Variants in PCDH15 observed in about 807,000 individuals in gnomAD.
PCDH15 encodes protocadherin related 15, also known as protocadherin-15.
PCDH15 carries 129 observed loss-of-function variants against 178.5 expected under a neutral mutation model. The observed-to-expected ratio is 0.72, with a 90% CI of 0.63 to 0.84. PCDH15 has a LOEUF of 0.84. Among genes scored for constraint, PCDH15 ranks in the 40% least tolerant of loss-of-function variants. The pLI, the probability that PCDH15 is intolerant of heterozygous loss-of-function variation, is 0.00. For synonymous variants in PCDH15, 800 were observed against 732.0 expected (o/e 1.09, Z -1.50); for missense variants, 2,230 against 2,099.9 (o/e 1.06, Z -1.21).
chr10:55,138,195 C>T (rs1178273785), intron 2 of PCDH15, among the ~76,000 whole-genome samples: 1 of 152,068 alleles, frequency 6.6e-6, no homozygotes, highest in African/African-American at 2.4e-5. Context: ...TTAAACAACA[C>T]ATTTTTAGTA....
chr10:54,324,846 TTC>T (rs953167268), intron 7 of PCDH15, among the ~76,000 whole-genome samples: 8 of 152,210 alleles, frequency 5.3e-5, no homozygotes, highest in African/African-American at 1.4e-4. Context: ...TACAAAAGTG[TTC>T]TTATATATTT....
chr10:55,159,789 T>C (rs1839012800), intron 2 of PCDH15, among the ~76,000 whole-genome samples: 1 of 148,198 alleles, frequency 6.7e-6, no homozygotes, highest in African/African-American at 2.4e-5. Context: ...TTAAGAGATA[T>C]ATATAAAGAT....
At chr10:54,333,994 C>T (rs746898227) in intron 6 of PCDH15, among the ~76,000 whole-genome samples, 1 of 152,150 alleles carries the variant, frequency 6.6e-6, no homozygotes, top group Non-Finnish European at 1.5e-5. Flanking sequence ...CAGGACATTG[C>T]CCCCTTTCTG....
chr10:55,448,953 T>C (rs9651347), intron 2 of PCDH15, among the ~76,000 whole-genome samples: 147 of 152,220 alleles, frequency 9.7e-4, no homozygotes, highest in African/African-American at 3.3e-3. Context: ...TCAGGTTTGA[T>C]TCTATCATCT....
rs1397320282 is a variant in PCDH15, at chr10:53,827,442, G to GCGGCGGCGGCGGGGGCGC, written c.4300_4317dup (p.Ala1434_Pro1439dup). On this transcript the variant is annotated inframe_insertion, in exon 32 of 38. Coordinates refer to ENST00000644397, the MANE Select transcript of PCDH15 (RefSeq NM_001384140.1). ...TAGAGATGCGCACCTGGCGGAGGCG[G>GCGGCGGCGGCGGGGGCGC]CGGCGGCGGCGGGGGCGCTGCCACT... is the stretch of plus-strand genomic sequence containing the variant. 6.2e-6 allele frequency: 10 copies of GCGGCGGCGGCGGGGGCGC among 1,613,120 alleles called. No individual in the cohort carries two copies. The highest frequency in any genetic ancestry group is 1.1e-5 in the South Asian group (1 of 90,996).
chr10:54,974,055 TCTCACA>T lies in PCDH15; in HGVS notation c.-79-76561_-79-76556del, dbSNP rs761272750. On this transcript the variant is annotated intron_variant, in intron 2 of 5. Coordinates refer to the PCDH15 transcript ENST00000458638. ...CTCTCCTTCCTTCTCTCTCTCTCTCTCTCACACACACACACACACACACACACAGAC... is the reference window on the plus strand; with the variant it reads ...CTCTCCTTCCTTCTCTCTCTCTCTCTCACACACACACACACACACACAGAC... 1.4e-3 allele frequency among the ~76,000 whole-genome samples: 206 copies of T among 147,802 alleles called. 1 individual carries two copies. The highest frequency in any genetic ancestry group is 0.01 in the East Asian group (50 of 4,916).
chr10:53,889,198 A>G (rs866581338), intron 26 of PCDH15, among the ~76,000 whole-genome samples: 4 of 152,074 alleles, frequency 2.6e-5, no homozygotes, highest in Middle Eastern at 3.2e-3. Context: ...GTTGCTCAAC[A>G]TGAAAAAATA....
At chr10:55,222,706 T>C (rs1043655105) in intron 1 of PCDH15, among the ~76,000 whole-genome samples, 1 of 53,544 alleles carries the variant, frequency 1.9e-5, no homozygotes, top group Non-Finnish European at 3.4e-5. Context: ...ATTTTATATC[T>C]TTATACACAC....
intron 28 of PCDH15, among the ~76,000 whole-genome samples, chr10:53,849,880 AAAAG>A (rs1456696942): frequency 8.7e-5 from 13 of 150,122 alleles, no homozygotes; most frequent in African/African-American, 2.0e-4. Flanking sequence ...AAAAAAAAAA[AAAAG>A]AAAGAAAGAA....
intron 3 of PCDH15, among the ~76,000 whole-genome samples, chr10:54,505,417 C>T (rs2137563778): frequency 6.6e-6 from 1 of 152,232 alleles, no homozygotes; most frequent in African/African-American, 2.4e-5. Flanking sequence ...TACATATTAT[C>T]TGTACAGATT....
At chr10:54,079,569 G>A (rs2094403561) in intron 16 of PCDH15, 145 bp from the exon 17 acceptor site, 6 of 781,494 alleles carry the variant, frequency 7.7e-6, no homozygotes, top group Non-Finnish European at 1.3e-5. Context: ...ATAATACTAA[G>A]ATTCATTCTG....
intron 8 of PCDH15, among the ~76,000 whole-genome samples, chr10:54,305,493 T>C (rs925997847): frequency 2.0e-5 from 3 of 152,054 alleles, no homozygotes; most frequent in Non-Finnish European, 2.9e-5. Flanking sequence ...TTTTAATTTA[T>C]TCCATATAAG....
chr10:54,513,222 T>C (rs574115209), intron 3 of PCDH15, among the ~76,000 whole-genome samples: 38 of 150,994 alleles, frequency 2.5e-4, no homozygotes, highest in Non-Finnish European at 4.3e-4. Context: ...TGGCCAAATA[T>C]TCCATTTCAT....
At chr10:54,447,045 C>T (rs1287423900) in intron 3 of PCDH15, among the ~76,000 whole-genome samples, 1 of 151,566 alleles carries the variant, frequency 6.6e-6, no homozygotes, top group East Asian at 1.9e-4. Context: ...AAACAAACCT[C>T]TCTGCTTTCT....
intron 2 of PCDH15, among the ~76,000 whole-genome samples, chr10:55,157,565 A>T (rs1328852799): frequency 2.0e-5 from 3 of 149,678 alleles, no homozygotes; most frequent in African/African-American, 4.9e-5. Flanking sequence ...CAAATGTCCA[A>T]CAATGATAGA....
intron 15 of PCDH15, among the ~76,000 whole-genome samples, chr10:54,100,434 A>T (rs901564008): frequency 1.6e-4 from 25 of 152,268 alleles, no homozygotes; most frequent in African/African-American, 6.0e-4. Context: ...GAGTGAAAAG[A>T]AATAGGAATG....
chr10:54,624,081 T>G (rs904689789), intron 2 of PCDH15, among the ~76,000 whole-genome samples: 1 of 152,178 alleles, frequency 6.6e-6, no homozygotes, highest in Non-Finnish European at 1.5e-5. Flanking sequence ...TATAAAGTCA[T>G]AAGGTGATAA....
chr10:53,952,834 T>C (rs2087204392), intron 23 of PCDH15, among the ~76,000 whole-genome samples: 1 of 152,254 alleles, frequency 6.6e-6, no homozygotes, highest in Admixed American at 6.5e-5. Context: ...GGGGCTGGTA[T>C]GTCAGCACCA....
At chr10:54,648,651 G>T (rs1391972816) in intron 2 of PCDH15, among the ~76,000 whole-genome samples, 1 of 152,080 alleles carries the variant, frequency 6.6e-6, no homozygotes, top group East Asian at 1.9e-4. Flanking sequence ...ACAGAGAAGA[G>T]TATTTCTAAG....
Sources: gnomAD v4.1 joint callset for allele counts (sites outside exome capture counted in the v4.1 genomes callset) on GRCh38, gnomAD v4.1.1 for gene constraint, MANE v1.5 for transcripts, NCBI Gene and HGNC (gene_info 2026-07-23, HGNC 2026-07-21) for gene names.